SNX32: variants seen among roughly 807,000 people sequenced by gnomAD.
SNX32 encodes the protein sorting nexin-32.
A neutral mutation model predicts 57.0 loss-of-function variants in SNX32; 58 were observed. That is an observed-to-expected ratio of 1.02 (90% CI 0.82 to 1.27). The LOEUF is 1.27. Ranked by LOEUF, SNX32 falls within the 50% of genes most tolerant of loss-of-function variation. SNX32 has a pLI of 0.00. For missense variants in SNX32, 589 were observed against 541.2 expected (o/e 1.09, Z -0.88); for synonymous variants, 262 against 220.4 (o/e 1.19, Z -1.67).
Position 65,853,353 on chromosome 11 carries a change from C to G in SNX32, c.*18C>G. ...AGCCTTAGAGTAGCCAGAGCTCAGC[C>G]AGACCCTAATCTGGGATCTCCAGTG... On this transcript the variant is annotated 3_prime_UTR_variant, in exon 13 of 13. Transcript: ENST00000308342. The G allele has an allele frequency of 6.2e-7, 1 of 1,613,636 alleles. No homozygotes were observed.
At chr11:65,835,008 T>A (rs183028685) in intron 1 of SNX32, among the ~76,000 whole-genome samples, 37 of 151,538 alleles carry the variant, frequency 2.4e-4, no homozygotes, top group Non-Finnish European at 2.9e-4. Flanking sequence ...TGTGTGTTTC[T>A]CTGTGCCTGT....
Position 65,850,194 on chromosome 11 carries a change from A to T in SNX32, c.297A>T (p.Glu99Asp). Reference sequence around the variant, plus strand: ...GGCCAGACTTTGAGGCTTCGAGGGAAAAGCTACAGAAATTGGGCGAGGGGG... The same window carrying T: ...GGCCAGACTTTGAGGCTTCGAGGGATAAGCTACAGAAATTGGGCGAGGGGG... ...PPRPDFEASR[E>D]KLQKLGEGDS... The change falls in exon 4 of 13, where the codon GAA (glutamate) becomes GAT (aspartate). Residue 99 changes from glutamate (E) to aspartate (D), a missense_variant. Glu to Asp is a conservative substitution (Grantham distance 45, BLOSUM62 2). Coordinates refer to ENST00000308342, the MANE Select transcript of SNX32 (RefSeq NM_152760.3). The T allele has an allele frequency of 2.5e-6, 4 of 1,614,220 alleles. No individual in the cohort carries two copies. The highest frequency in any genetic ancestry group is 2.5e-6 in the Non-Finnish European group (3 of 1,180,028).
chr11:65,834,253 GTC>G, intron 1 of SNX32, 152 bp downstream of exon 1: 1 of 881,120 alleles, frequency 1.1e-6, no homozygotes, highest in Admixed American at 2.6e-5. Flanking sequence ...GTCTGCATGT[GTC>G]TGTTTCTCTG....
intron 1 of SNX32, among the ~76,000 whole-genome samples, chr11:65,836,033 T>C (rs573120901): frequency 6.6e-6 from 1 of 152,250 alleles, no homozygotes; most frequent in African/African-American, 2.4e-5. Flanking sequence ...TATATTATTA[T>C]TATTGTTATA....
Position 65,852,881 on chromosome 11 carries a change from G to A in SNX32, c.1081G>A (p.Asp361Asn). The A allele has an allele frequency of 6.2e-7, 1 of 1,614,180 alleles. No homozygotes were observed. The highest frequency in any genetic ancestry group is 8.5e-7 in the Non-Finnish European group (1 of 1,180,016). The change falls in exon 12 of 13, where the codon GAC becomes AAC. Residue 361 changes from aspartate to asparagine, a missense_variant. Physicochemically the swap from Asp to Asn is conservative, Grantham distance 23 (BLOSUM62 1). Transcript: ENST00000308342. ...LSDSAKQELM[D>N]FKSRRVSSFR... ...CTTCCCCTCCTCTCCAGAGCTCATG[G>A]ACTTCAAGTCCCGCCGGGTCTCCTC...
In SNX32 at chr11:65,839,225, A is replaced by ATTTTTTTTTTTTTTTTTTTTTTT. The variant is rs1168882508; in HGVS notation, c.36+5146_36+5147insTTTTTTTTTTTTTTTTTTTTTTT. ...CACCACGCCCAGCTAATTTTTTTGT[A>ATTTTTTTTTTTTTTTTTTTTTTT]TTTTTTTTTTTTTTTTTTTTTTGAG... On this transcript the variant is annotated intron_variant, in intron 1 of 12. Coordinates refer to ENST00000308342, the MANE Select transcript of SNX32 (RefSeq NM_152760.3). Among the ~76,000 whole-genome samples the ATTTTTTTTTTTTTTTTTTTTTTT allele has an allele frequency of 1.0e-3, 28 of 27,640 alleles. 5 individuals carry two copies. Among genetic ancestry groups the ATTTTTTTTTTTTTTTTTTTTTTT allele is most frequent in the African/African-American group, 3.0e-3 (20 of 6,630 alleles). The allele number at this position is 27,640 out of a possible 152,430, so 18.1% of individuals were successfully genotyped here.
chr11:65,852,224 G>A (rs970225680), intron 9 of SNX32, among the ~76,000 whole-genome samples: 9 of 151,960 alleles, frequency 5.9e-5, no homozygotes, highest in Non-Finnish European at 1.2e-4. Context: ...ACACATAGCC[G>A]GGCTTGCACA....
chr11:65,852,803 C>CT lies in SNX32; in HGVS notation c.1072+14_1072+15insT. On this transcript the variant is annotated intron_variant, in intron 11 of 12. Coordinates refer to ENST00000308342, the MANE Select transcript of SNX32 (RefSeq NM_152760.3). ...CCGCCAAGCAAGGTGAGCCCGCAGC[C>CT]CCCAGCCCCAGCCTGGGGCCACATG... is the stretch of plus-strand genomic sequence containing the variant. 3 of 1,610,850 alleles carry CT rather than the reference C, an allele frequency of 1.9e-6. No individual in the cohort carries two copies. Among genetic ancestry groups the CT allele is most frequent in the Non-Finnish European group, 1.7e-6 (2 of 1,177,706 alleles).
At chr11:65,845,008 T>A (rs1858949146) in intron 1 of SNX32, among the ~76,000 whole-genome samples, 1 of 150,714 alleles carries the variant, frequency 6.6e-6, no homozygotes, top group South Asian at 2.1e-4. Context: ...TGTAAGAATG[T>A]TCATGGAAGC....
intron 8 of SNX32, 80 bp downstream of exon 8, chr11:65,851,483 C>T (rs1037868220): frequency 6.5e-7 from 1 of 1,543,472 alleles, no homozygotes; most frequent in Non-Finnish European, 8.9e-7. Flanking sequence ...CTGTAGATGT[C>T]TACTGTCAGC....
chr11:65,846,207 G>T (rs1858989013), intron 1 of SNX32, among the ~76,000 whole-genome samples: 1 of 152,160 alleles, frequency 6.6e-6, no homozygotes. Context: ...AGTGGTAGAG[G>T]TTGCAGTGAG....
chr11:65,849,475 C>T lies in SNX32; in HGVS notation c.37-3C>T. ...CAGGCCAGAGACCTCCCCTCCTCCG[C>T]AGCCTTCCTGTGCATCGGTGGATCT... On this transcript the variant is annotated splice_polypyrimidine_tract_variant and splice_region_variant and intron_variant, in intron 1 of 12. Transcript: ENST00000308342. 1.2e-6 allele frequency: 2 copies of T among 1,606,942 alleles called. No individual in the cohort carries two copies. Among genetic ancestry groups the T allele is most frequent in the Non-Finnish European group, 1.7e-6 (2 of 1,175,734 alleles).
chr11:65,851,655 G>A lies in SNX32; in HGVS notation c.801G>A (p.Leu267=). 6.2e-7 allele frequency: 1 copy of A among 1,614,066 alleles called. No homozygotes were observed. The highest frequency in any genetic ancestry group is 1.7e-5 in the Admixed American group (1 of 60,010). ...VNQLRTSFLK[L]AELFERLRKL... ...TGCTTCCTAGGAGCTTCCTCAAATT[G>A]GCAGAGCTCTTTGAACGGCTGAGGG... The change falls in exon 9 of 13, where the codon TTG becomes TTA. Residue 267 remains leucine (L), a synonymous_variant. Coordinates refer to ENST00000308342, the MANE Select transcript of SNX32 (RefSeq NM_152760.3).
intron 9 of SNX32, among the ~76,000 whole-genome samples, chr11:65,852,178 T>C (rs142761867): frequency 5.9e-5 from 9 of 152,262 alleles, no homozygotes; most frequent in Non-Finnish European, 1.3e-4. Context: ...TCCCCTGCTT[T>C]GCCCAAGTGC....
intron 12 of SNX32, 91 bp downstream of exon 12, chr11:65,853,049 G>A (rs552339759): frequency 3.6e-6 from 5 of 1,399,236 alleles, no homozygotes; most frequent in African/African-American, 1.4e-5. Flanking sequence ...GTGCATGTGA[G>A]GGTGTGCACG....
chr11:65,846,697 T>C (rs1397841757), intron 1 of SNX32, among the ~76,000 whole-genome samples: 1 of 150,894 alleles, frequency 6.6e-6, no homozygotes, highest in East Asian at 2.0e-4. Flanking sequence ...TAAAAAAATG[T>C]TTTTTGCCAG....
intron 1 of SNX32, among the ~76,000 whole-genome samples, chr11:65,843,422 A>T (rs1361651877): frequency 6.6e-6 from 1 of 151,828 alleles, no homozygotes; most frequent in Non-Finnish European, 1.5e-5. Context: ...TACAGAAATT[A>T]GCCAGGCGTT....
At chr11:65,837,676 T>C (rs977688447) in intron 1 of SNX32, among the ~76,000 whole-genome samples, 4 of 149,252 alleles carry the variant, frequency 2.7e-5, no homozygotes, top group African/African-American at 9.9e-5. Context: ...AAAAATTAGC[T>C]GGGCATGGTG....
chr11:65,850,315 T>C (rs760993286), intron 4 of SNX32, 44 bp downstream of exon 4: 46 of 1,613,824 alleles, frequency 2.9e-5, no homozygotes, highest in Non-Finnish European at 3.7e-5. Flanking sequence ...AGTCCAGATG[T>C]CTTCCCCAGC....
Sources: gnomAD v4.1 joint callset for allele counts (sites outside exome capture counted in the v4.1 genomes callset) on GRCh38, gnomAD v4.1.1 for gene constraint, MANE v1.5 for transcripts, NCBI Gene and HGNC (gene_info 2026-07-23, HGNC 2026-07-21) for gene names.